DIAPH3: variants seen among roughly 807,000 people sequenced by gnomAD.
DIAPH3 encodes the protein protein diaphanous homolog 3.
In DIAPH3, 117 loss-of-function variants were observed where a neutral mutation model predicts 144.3. The observed-to-expected ratio is 0.81, with a 90% CI of 0.70 to 0.95. The LOEUF (loss-of-function observed/expected upper bound fraction) is 0.95, where lower values mean the gene tolerates loss of function less well. Among genes scored for constraint, DIAPH3 ranks in the 40% least tolerant of loss-of-function variants. The probability of loss-of-function intolerance (pLI) is 0.00; values close to 1 mark genes in which losing one functional copy is unlikely to be tolerated. For synonymous variants in DIAPH3, 519 were observed against 488.9 expected, an observed-to-expected ratio of 1.06 and a Z score of -0.81; for missense variants, 1,421 against 1,412.7, an observed-to-expected ratio of 1.01 and a Z score of -0.09.
At chr13:59,860,636 G>T (rs1465762860) in intron 22 of DIAPH3, among the ~76,000 whole-genome samples, 2 of 151,992 alleles carry the variant, frequency 1.3e-5, no homozygotes, top group Non-Finnish European at 2.9e-5. Flanking sequence ...TACTCAGGAG[G>T]CTGAGGCAGG....
rs952607589 is a variant in DIAPH3 at position 59,808,564 on chromosome 13, T to G, written c.3163+2224A>C. Among the ~76,000 whole-genome samples the G allele has an allele frequency of 2.0e-5, 3 of 152,136 alleles. 1 individual carries two copies. The highest frequency in any genetic ancestry group is 4.1e-4 in the South Asian group (2 of 4,828). ...TAAAAATATCCTTTTCTATTCCATG[T>G]CCAATAAAATAATTACAAACATTTT... On this transcript the variant is annotated intron_variant, in intron 25 of 27. Transcript: ENST00000400324.
chr13:59,758,250 A>T (rs960523369), intron 27 of DIAPH3, among the ~76,000 whole-genome samples: 1 of 152,232 alleles, frequency 6.6e-6, no homozygotes, highest in African/African-American at 2.4e-5. Context: ...ATACATAATA[A>T]AAACATTCTT....
At chr13:59,832,532 G>A (rs559925703) in intron 24 of DIAPH3, among the ~76,000 whole-genome samples, 2 of 151,876 alleles carry the variant, frequency 1.3e-5, no homozygotes, top group South Asian at 4.2e-4. Context: ...ACTTTAATAT[G>A]TGTGTAGTTC....
intron 27 of DIAPH3, among the ~76,000 whole-genome samples, chr13:59,771,134 T>C (rs1035369068): frequency 1.3e-5 from 2 of 152,050 alleles, no homozygotes; most frequent in African/African-American, 4.8e-5. Flanking sequence ...TTTACCAGAA[T>C]TTTTTTCTAT....
At chr13:59,926,698 A>C (rs1313221258) in intron 17 of DIAPH3, among the ~76,000 whole-genome samples, 1 of 152,186 alleles carries the variant, frequency 6.6e-6, no homozygotes, top group Non-Finnish European at 1.5e-5. Flanking sequence ...AAAGATACTT[A>C]ATATAATTTT....
At chr13:60,091,734 A>T (rs2057940585) in intron 4 of DIAPH3, among the ~76,000 whole-genome samples, 1 of 152,210 alleles carries the variant, frequency 6.6e-6, no homozygotes, top group African/African-American at 2.4e-5. Context: ...AAAACAAATT[A>T]CAAAGAAAAA....
intron 27 of DIAPH3, among the ~76,000 whole-genome samples, chr13:59,668,998 G>A (rs1002783233): frequency 1.3e-5 from 2 of 152,096 alleles, no homozygotes; most frequent in African/African-American, 2.4e-5. Context: ...CTTAGTTACT[G>A]AGTAAATCGG....
intron 22 of DIAPH3, among the ~76,000 whole-genome samples, chr13:59,852,477 G>A (rs1042162758): frequency 6.6e-6 from 1 of 152,184 alleles, no homozygotes; most frequent in Non-Finnish European, 1.5e-5. Flanking sequence ...TTCAAAGGTT[G>A]TTTAGTACTA....
chr13:60,057,800 C>T (rs1204807027), intron 4 of DIAPH3, among the ~76,000 whole-genome samples: 1 of 151,858 alleles, frequency 6.6e-6, no homozygotes, highest in African/African-American at 2.4e-5. Context: ...GGAGAAAGGA[C>T]ACCTTATTCA....
chr13:59,721,056 G>C (rs1485293267), intron 27 of DIAPH3, among the ~76,000 whole-genome samples: 1 of 152,014 alleles, frequency 6.6e-6, no homozygotes, highest in African/African-American at 2.4e-5. Flanking sequence ...TGCACACTTG[G>C]CTAAATTTTC....
At chr13:59,851,791 T>C (rs1047368619) in intron 22 of DIAPH3, among the ~76,000 whole-genome samples, 6 of 152,178 alleles carry the variant, frequency 3.9e-5, no homozygotes, top group African/African-American at 1.4e-4. Context: ...CCCAGTTTTT[T>C]GTATTTTTAG....
chr13:60,039,574 G>A (rs1182242349), intron 5 of DIAPH3, among the ~76,000 whole-genome samples: 1 of 152,046 alleles, frequency 6.6e-6, no homozygotes, highest in East Asian at 1.9e-4. Flanking sequence ...AAAGTGCCAG[G>A]ACTACAGGTA....
intron 25 of DIAPH3, among the ~76,000 whole-genome samples, chr13:59,799,264 G>T (rs1335476431): frequency 2.6e-5 from 4 of 152,004 alleles, no homozygotes; most frequent in Non-Finnish European, 5.9e-5. Flanking sequence ...ATGCACAGAA[G>T]GGTGGCCGAA....
chr13:59,932,355 A>G lies in DIAPH3; in HGVS notation c.2075-7485T>C, dbSNP rs148786555. ...AAGGCTTTCTGTTTCCGTTTCTTAT[A>G]TAATTCTCATTATAGTCATCCTAAT... On this transcript the variant is annotated intron_variant, in intron 17 of 27. Coordinates refer to ENST00000400324, the MANE Select transcript of DIAPH3 (RefSeq NM_001042517.2). Among the ~76,000 whole-genome samples the G allele has an allele frequency of 9.2e-5, 14 of 152,238 alleles. No individual in the cohort carries two copies. The East Asian group carries it at 2.7e-3, about 29-fold the overall frequency.
intron 22 of DIAPH3, among the ~76,000 whole-genome samples, chr13:59,856,855 C>T (rs1480399876): frequency 2.0e-5 from 3 of 151,624 alleles, no homozygotes; most frequent in African/African-American, 7.3e-5. Context: ...ATTTCCACCA[C>T]CAACAATGTA....
In DIAPH3 at chr13:59,909,343, T is replaced by G. The variant is rs79596050; in HGVS notation, c.2367+2392A>C. ...CTAACACTCTTTGTCCAGTATTTTG[T>G]TTTTTTTTTTTTTGGTTAATTATCA... On this transcript the variant is annotated intron_variant, in intron 20 of 27. Coordinates refer to ENST00000400324, the MANE Select transcript of DIAPH3 (RefSeq NM_001042517.2). Among the ~76,000 whole-genome samples, 8 of 104,416 alleles carry G rather than the reference T, an allele frequency of 7.7e-5. No homozygotes were observed. In the East Asian group the frequency reaches 1.8e-3, roughly 23 times the overall value. 68.5% of individuals were successfully genotyped at this position (104,416 alleles called of 152,430 possible).
intron 5 of DIAPH3, among the ~76,000 whole-genome samples, chr13:60,033,288 G>T (rs2141120115): frequency 6.6e-6 from 1 of 152,138 alleles, no homozygotes; most frequent in East Asian, 1.9e-4. Flanking sequence ...CAGTACCAAA[G>T]TTCCTTCCAC....
chr13:60,010,282 A>G (rs1457271782), intron 8 of DIAPH3, among the ~76,000 whole-genome samples: 1 of 152,178 alleles, frequency 6.6e-6, no homozygotes. Context: ...TTCAGTTAAA[A>G]AAACAGTTTA....
chr13:59,753,762 A>G (rs2139135095), intron 27 of DIAPH3, among the ~76,000 whole-genome samples: 1 of 152,308 alleles, frequency 6.6e-6, no homozygotes, highest in Admixed American at 6.5e-5. Context: ...CCAGCAATAT[A>G]TTAAGATCAA....
Sources: gnomAD v4.1 joint callset for allele counts (sites outside exome capture counted in the v4.1 genomes callset) on GRCh38, gnomAD v4.1.1 for gene constraint, MANE v1.5 for transcripts, NCBI Gene and HGNC (gene_info 2026-07-23, HGNC 2026-07-21) for gene names.